The following GPR173 variants were observed in gnomAD, a reference collection of about 807,000 sequenced individuals.
GPR173 encodes the protein G protein-coupled receptor 173, also known as probable G protein-coupled receptor 173.
In GPR173, 2 loss-of-function variants were observed where a neutral mutation model predicts 13.9. The observed-to-expected ratio is 0.14, with a 90% CI of 0.06 to 0.45. The LOEUF (loss-of-function observed/expected upper bound fraction) is 0.45, where lower values mean the gene tolerates loss of function less well. GPR173 is among the 20% of genes least tolerant of loss of function. The pLI, the probability that GPR173 is intolerant of heterozygous loss-of-function variation, is 0.98. For missense variants in GPR173, 202 were observed against 340.5 expected (o/e 0.59, Z 3.20); for synonymous variants, 131 against 141.0 (o/e 0.93, Z 0.50).
intron 1 of GPR173, among the ~76,000 whole-genome samples, chrX:53,066,371 A>G (rs1306936562): frequency 2.7e-5 from 3 of 111,782 alleles, no homozygotes; most frequent in Admixed American, 9.6e-5. Context: ...TGTCTTTAAC[A>G]TTTTTTATGT....
chrX:53,072,459 T>A (rs1315016094), intron 1 of GPR173, among the ~76,000 whole-genome samples: 4 of 107,787 alleles, frequency 3.7e-5, no homozygotes, highest in Admixed American at 1.0e-4. Flanking sequence ...TTTCTGTGTG[T>A]GCCTCTGTCT....
At chrX:53,068,753 C>T (rs1260368194) in intron 1 of GPR173, among the ~76,000 whole-genome samples, 6 of 72,451 alleles carry the variant, frequency 8.3e-5, no homozygotes, top group Non-Finnish European at 1.5e-4. Flanking sequence ...GGTAACAGAG[C>T]GAGACCCTGT....
intron 1 of GPR173, among the ~76,000 whole-genome samples, chrX:53,066,541 G>T (rs948135592): frequency 9.1e-6 from 1 of 109,958 alleles, no homozygotes; most frequent in Non-Finnish European, 1.9e-5. Flanking sequence ...GGCAGTGTGC[G>T]CCTGTAGTCC....
chrX:53,061,292 G>A (rs890794426), intron 1 of GPR173, among the ~76,000 whole-genome samples: 6 of 111,259 alleles, frequency 5.4e-5, no homozygotes, highest in Non-Finnish European at 9.4e-5. Flanking sequence ...GTATCTTTGA[G>A]CTATTTGCTG....
chrX:53,061,396 G>A (rs1390865529), intron 1 of GPR173, among the ~76,000 whole-genome samples: 4 of 110,955 alleles, frequency 3.6e-5, no homozygotes, highest in African/African-American at 6.6e-5. Flanking sequence ...TGTGCTTATC[G>A]GCTGGTCTGA....
At chrX:53,074,434 T>C (rs374383260) in intron 1 of GPR173, among the ~76,000 whole-genome samples, 1 of 4,516 alleles carries the variant, frequency 2.2e-4, no homozygotes, top group Non-Finnish European at 3.1e-4. Flanking sequence ...CTATATAGAT[T>C]TATATATATT....
At chrX:53,062,819 C>T (rs139031943) in intron 1 of GPR173, among the ~76,000 whole-genome samples, 1,776 of 110,276 alleles carry the variant, frequency 0.016, 120 homozygotes, top group Admixed American at 0.16. Context: ...CTGGGATTAC[C>T]GTGCCCAGCC....
intron 1 of GPR173, among the ~76,000 whole-genome samples, chrX:53,062,117 TCCTCATTA>T (rs1741357423): frequency 9.0e-6 from 1 of 110,652 alleles, no homozygotes; most frequent in Non-Finnish European, 1.9e-5. Context: ...GAGGACAGAG[TCCTCATTA>T]CCTCATCACT....
intron 1 of GPR173, among the ~76,000 whole-genome samples, chrX:53,061,284 A>G (rs1353269244): frequency 9.0e-6 from 1 of 110,701 alleles, no homozygotes; most frequent in African/African-American, 3.3e-5. Context: ...ATGCGTGTGT[A>G]TCTTTGAGCT....
intron 1 of GPR173, chrX:53,064,969 G>C (rs1303848975): frequency 6.3e-5 from 7 of 111,750 alleles, no homozygotes; most frequent in Non-Finnish European, 9.4e-5. Flanking sequence ...ATGTGAATTT[G>C]TAGTGGTCAA....
At chrX:53,071,590 C>T (rs890992023) in intron 1 of GPR173, among the ~76,000 whole-genome samples, 2 of 112,096 alleles carry the variant, frequency 1.8e-5, no homozygotes, top group African/African-American at 6.5e-5. Flanking sequence ...GTGGGACTCT[C>T]CCCCATATTA....
At chrX:53,050,704 G>A (rs782043316) in intron 1 of GPR173, among the ~76,000 whole-genome samples, 3 of 112,200 alleles carry the variant, frequency 2.7e-5, no homozygotes, top group Non-Finnish European at 3.8e-5. Flanking sequence ...TAGTGTTATC[G>A]ATTACTTGGA....
chrX:53,055,657 C>G (rs781911780), intron 1 of GPR173, among the ~76,000 whole-genome samples: 6 of 108,027 alleles, frequency 5.6e-5, no homozygotes, highest in Non-Finnish European at 9.6e-5. Flanking sequence ...GGGAGTGGGG[C>G]GTGTGCAGAG....
At chrX:53,073,958 T>A (rs797043764) in intron 1 of GPR173, among the ~76,000 whole-genome samples, 3 of 27,991 alleles carry the variant, frequency 1.1e-4, no homozygotes, top group Non-Finnish European at 1.4e-4. Context: ...TGTATATTTA[T>A]ATATAAATAT....
chrX:53,073,968 T>TAC (rs1247931493), intron 1 of GPR173, among the ~76,000 whole-genome samples: 66 of 25,637 alleles, frequency 2.6e-3, no homozygotes, highest in Non-Finnish European at 2.9e-3. Flanking sequence ...TATATAAATA[T>TAC]ATATTTATAT....
intron 1 of GPR173, among the ~76,000 whole-genome samples, chrX:53,073,994 CATAA>C (rs1478315939): frequency 1.8e-4 from 1 of 5,492 alleles, no homozygotes; most frequent in Non-Finnish European, 2.5e-4. Context: ...TATAAATATA[CATAA>C]ATATATATTA....
At chrX:53,066,563 G>T (rs1556804241) in intron 1 of GPR173, among the ~76,000 whole-genome samples, 1 of 109,831 alleles carries the variant, frequency 9.1e-6, no homozygotes, top group African/African-American at 3.3e-5. Context: ...AGCTACTTGG[G>T]AGGCAGAGGC....
rs1932519331 is a variant in GPR173, at chrX:53,080,465, C to T, written c.*2722C>T. On this transcript the variant is annotated 3_prime_UTR_variant, in exon 2 of 2. Coordinates refer to ENST00000332582, the MANE Select transcript of GPR173 (RefSeq NM_018969.6). ...ATCACCCATTCCTGATCCCATCCTCCCCGCCCCCTACACAGGCACCCACTC... is the reference window on the plus strand; with the variant it reads ...ATCACCCATTCCTGATCCCATCCTCTCCGCCCCCTACACAGGCACCCACTC... 8.3e-6 allele frequency: 1 copy of T among 121,202 alleles called. No individual in the cohort carries two copies. The highest frequency in any genetic ancestry group is 9.7e-5 in the Admixed American group (1 of 10,327). 10.0% of individuals were successfully genotyped at this position (121,202 alleles called of 1,213,427 possible). A position where few individuals can be genotyped will look rare whatever the true frequency, so the allele number is the denominator to read the frequency against.
chrX:53,049,742 A>G (rs1449767118), intron 1 of GPR173, among the ~76,000 whole-genome samples: 1 of 111,477 alleles, frequency 9.0e-6, no homozygotes, highest in African/African-American at 3.3e-5. Flanking sequence ...TGTTTTTATC[A>G]TCATGGTTGC....
Sources: allele counts gnomAD v4.1 joint callset (sites outside exome capture counted in the v4.1 genomes callset), GRCh38; gene constraint gnomAD v4.1.1; transcripts MANE v1.5; gene names NCBI Gene and HGNC (gene_info 2026-07-23, HGNC 2026-07-21).